Variants in DCC observed in about 807,000 individuals in gnomAD.
DCC encodes DCC netrin 1 receptor.
In DCC, 58 loss-of-function variants were observed where a neutral mutation model predicts 172.5. That is an observed-to-expected ratio of 0.34 (90% CI 0.27 to 0.42). The LOEUF (loss-of-function observed/expected upper bound fraction) is 0.42. Ranked by LOEUF, DCC falls within the 10% of genes least tolerant of loss-of-function variation. The pLI is 1.00. For synonymous variants in DCC, 709 were observed against 644.5 expected (o/e 1.10, Z -1.52); for missense variants, 1,740 against 1,791.0 (o/e 0.97, Z 0.51).
intron 1 of DCC, among the ~76,000 whole-genome samples, chr18:52,672,612 C>T (rs556388880): frequency 6.6e-6 from 1 of 151,792 alleles, no homozygotes; most frequent in Admixed American, 6.6e-5. Context: ...TCCTCCCTTC[C>T]TCCCTTCCTT....
intron 7 of DCC, among the ~76,000 whole-genome samples, chr18:53,087,286 T>C (rs1381357227): frequency 5.3e-5 from 8 of 151,630 alleles, no homozygotes; most frequent in South Asian, 4.2e-4. Context: ...TTTTTAATGA[T>C]TGCCATTCTA....
intron 1 of DCC, among the ~76,000 whole-genome samples, chr18:52,516,344 A>C (rs1238200507): frequency 1.3e-5 from 2 of 152,226 alleles, no homozygotes; most frequent in African/African-American, 4.8e-5. Flanking sequence ...TGTGTTGTTC[A>C]GCAGGTAAGC....
At chr18:52,384,031 AT>A (rs146287543) in intron 1 of DCC, among the ~76,000 whole-genome samples, 14,061 of 152,056 alleles carry the variant, frequency 0.092, 788 homozygotes, top group Middle Eastern at 0.16. Flanking sequence ...TGTTTACATT[AT>A]TTTTAATATA....
At chr18:53,352,557 TATC>T (rs1212806678) in intron 15 of DCC, among the ~76,000 whole-genome samples, 2 of 152,158 alleles carry the variant, frequency 1.3e-5, no homozygotes, top group Non-Finnish European at 2.9e-5. Context: ...GCATTATACA[TATC>T]ATGCTATAAT....
At position 52,710,530 on chromosome 18, in the gene DCC, A is replaced by G. The variant is rs555634887; in HGVS notation, c.92-41524A>G. On this transcript the variant is annotated intron_variant, in intron 1 of 28. Coordinates refer to ENST00000442544, the MANE Select transcript of DCC (RefSeq NM_005215.4). ...GATGTGTGTGTGTATATATGTGCAC[A>G]TGTGCATGTGACATCCACCAAAACA... 3.3e-5 allele frequency among the ~76,000 whole-genome samples: 5 copies of G among 152,340 alleles called. No homozygotes were observed. The South Asian group carries it at 1.0e-3, about 32-fold the overall frequency.
intron 1 of DCC, among the ~76,000 whole-genome samples, chr18:52,403,828 G>A (rs1051456742): frequency 2.0e-5 from 3 of 152,010 alleles, no homozygotes; most frequent in African/African-American, 7.2e-5. Context: ...GCCAGCCCTA[G>A]TGCTCTTAAA....
At position 52,901,650 on chromosome 18, in the gene DCC, G is replaced by GACT. The variant is rs563378353; in HGVS notation, c.413-4393_413-4392insCTA. Among the ~76,000 whole-genome samples the GACT allele has an allele frequency of 2.1e-3, 316 of 152,228 alleles. 1 individual carries two copies. The highest frequency in any genetic ancestry group is 7.2e-3 in the African/African-American group (300 of 41,528). On this transcript the variant is annotated intron_variant, in intron 2 of 28. Transcript: ENST00000442544. ...CTAGCTTGTTAAATAATGAAGCGGG[G>GACT]AAGTGACTCCAGGTAATCTCATTAT... is the stretch of plus-strand genomic sequence containing the variant.
intron 1 of DCC, among the ~76,000 whole-genome samples, chr18:52,731,407 T>C (rs1267663309): frequency 6.6e-6 from 1 of 152,222 alleles, no homozygotes; most frequent in Non-Finnish European, 1.5e-5. Flanking sequence ...GTTGCAAGGC[T>C]GTCTTTCAGA....
At chr18:53,200,681 T>G (rs572867496) in intron 9 of DCC, among the ~76,000 whole-genome samples, 39 of 152,326 alleles carry the variant, frequency 2.6e-4, no homozygotes, top group African/African-American at 9.4e-4. Flanking sequence ...TCCCCCATGA[T>G]GCCTGACGGA....
chr18:52,706,475 A>C (rs2036214341), intron 1 of DCC, among the ~76,000 whole-genome samples: 1 of 152,166 alleles, frequency 6.6e-6, no homozygotes, highest in African/African-American at 2.4e-5. Context: ...CTATTTGTGA[A>C]CATTGTTTCC....
chr18:52,504,212 C>T (rs1023698169), intron 1 of DCC, among the ~76,000 whole-genome samples: 1 of 152,226 alleles, frequency 6.6e-6, no homozygotes, highest in East Asian at 1.9e-4. Context: ...TACTCTATAT[C>T]TGTATCATGG....
At chr18:52,447,907 C>G (rs367615233) in intron 1 of DCC, among the ~76,000 whole-genome samples, 3 of 152,154 alleles carry the variant, frequency 2.0e-5, no homozygotes, top group African/African-American at 7.2e-5. Context: ...TCACCTCCCA[C>G]GAGGCCCCAC....
chr18:53,474,562 A>C (rs1289713717), intron 25 of DCC, among the ~76,000 whole-genome samples: 1 of 152,126 alleles, frequency 6.6e-6, no homozygotes, highest in Non-Finnish European at 1.5e-5. Context: ...GATGGTTTTA[A>C]AAATGGGAGT....
intron 1 of DCC, among the ~76,000 whole-genome samples, chr18:52,373,442 T>G (rs1216810638): frequency 6.6e-6 from 1 of 152,198 alleles, no homozygotes; most frequent in Admixed American, 6.5e-5. Flanking sequence ...AAACTATAGA[T>G]GTGACTATAT....
chr18:53,378,311 T>C (rs1907459414), intron 15 of DCC, among the ~76,000 whole-genome samples: 2 of 152,106 alleles, frequency 1.3e-5, no homozygotes, highest in Admixed American at 6.6e-5. Flanking sequence ...TTAGGGAAAA[T>C]AATGGTTTTT....
intron 12 of DCC, among the ~76,000 whole-genome samples, chr18:53,275,941 A>G (rs2056801279): frequency 6.6e-6 from 1 of 152,126 alleles, no homozygotes; most frequent in African/African-American, 2.4e-5. Context: ...TCAGGCCATT[A>G]GTAAAATATA....
intron 19 of DCC, among the ~76,000 whole-genome samples, chr18:53,406,443 G>C (rs1909655655): frequency 6.6e-6 from 1 of 151,258 alleles, no homozygotes; most frequent in African/African-American, 2.4e-5. Context: ...AGTAGCTCAC[G>C]CCTGTAGTCC....
chr18:52,791,573 T>A (rs774427244), intron 2 of DCC, among the ~76,000 whole-genome samples: 2 of 151,782 alleles, frequency 1.3e-5, no homozygotes, highest in Non-Finnish European at 2.9e-5. Flanking sequence ...AACTAAGCCA[T>A]TGGGGTTAGT....
At chr18:53,519,236 G>A (rs1011175743) in intron 27 of DCC, among the ~76,000 whole-genome samples, 1 of 151,932 alleles carries the variant, frequency 6.6e-6, no homozygotes, top group Non-Finnish European at 1.5e-5. Flanking sequence ...TTAGACTATC[G>A]AGCCAAGGTC....
Sources: gnomAD v4.1 joint callset for allele counts (sites outside exome capture counted in the v4.1 genomes callset) on GRCh38, gnomAD v4.1.1 for gene constraint, MANE v1.5 for transcripts, NCBI Gene and HGNC (gene_info 2026-07-23, HGNC 2026-07-21) for gene names.